CSMD3: variants seen among roughly 807,000 people sequenced by gnomAD.
CSMD3 encodes CUB and sushi domain-containing protein 3.
CSMD3 carries 177 observed loss-of-function variants against 435.2 expected under a neutral mutation model. The ratio of observed to expected loss-of-function variants is 0.41; its 90% CI spans 0.36 to 0.46. The LOEUF (loss-of-function observed/expected upper bound fraction) is 0.46, where lower values mean the gene tolerates loss of function less well. Ranked by LOEUF, CSMD3 falls within the 20% of genes least tolerant of loss-of-function variation. The pLI is 0.34. For synonymous variants in CSMD3, 1,656 were observed against 1,520.5 expected (o/e 1.09, Z -2.07); for missense variants, 4,265 against 4,504.6 (o/e 0.95, Z 1.52).
chr8:112,454,078 G>C (rs1278422777), intron 32 of CSMD3, among the ~76,000 whole-genome samples: 2 of 152,146 alleles, frequency 1.3e-5, no homozygotes, highest in African/African-American at 4.8e-5. Flanking sequence ...TCCTGCCTTT[G>C]ACCATATATA....
intron 16 of CSMD3, among the ~76,000 whole-genome samples, chr8:112,675,019 A>T (rs563047750): frequency 6.6e-6 from 1 of 152,238 alleles, no homozygotes; most frequent in South Asian, 2.1e-4. Context: ...AGAGGTTATG[A>T]TTGAGATAAA....
intron 17 of CSMD3, among the ~76,000 whole-genome samples, chr8:112,658,116 T>A (rs1427402324): frequency 6.6e-6 from 1 of 152,246 alleles, no homozygotes; most frequent in Non-Finnish European, 1.5e-5. Context: ...ATTAACCATG[T>A]ATTTTTACTC....
chr8:112,588,544 T>G (rs1830920536), intron 22 of CSMD3, among the ~76,000 whole-genome samples: 2 of 152,052 alleles, frequency 1.3e-5, no homozygotes, highest in South Asian at 4.1e-4. Flanking sequence ...AAAATAGATA[T>G]GTCCTTATGC....
intron 6 of CSMD3, among the ~76,000 whole-genome samples, chr8:112,991,924 G>C (rs2085470850): frequency 6.6e-6 from 1 of 151,758 alleles, no homozygotes; most frequent in Non-Finnish European, 1.5e-5. Flanking sequence ...ACATGAGAAA[G>C]AACAATCAGT....
chr8:112,685,340 G>T (rs2131801187), intron 15 of CSMD3, 66 bp downstream of exon 15: 2 of 1,337,690 alleles, frequency 1.5e-6, no homozygotes, highest in South Asian at 1.2e-5. Context: ...CAATATACAT[G>T]ATCACTTTTC....
intron 1 of CSMD3, among the ~76,000 whole-genome samples, chr8:113,318,786 A>ATG (rs56269027): frequency 0.12 from 16,188 of 140,038 alleles, 1,011 homozygotes; most frequent in Middle Eastern, 0.14. Flanking sequence ...GCTGAATAAG[A>ATG]TGTGTGTGTG....
chr8:112,267,040 T>C (rs1402498887), intron 59 of CSMD3, among the ~76,000 whole-genome samples: 3 of 152,188 alleles, frequency 2.0e-5, no homozygotes, highest in African/African-American at 7.2e-5. Flanking sequence ...TCTGTCTTTT[T>C]TAAATTCACT....
rs566193975 is a variant in CSMD3 at position 112,566,040 on chromosome 8, C to CTT, written c.4042+7459_4042+7460dup. Among the ~76,000 whole-genome samples the CTT allele has an allele frequency of 5.9e-3, 837 of 141,838 alleles. 3 individuals are homozygous for CTT. The highest frequency in any genetic ancestry group is 0.01 in the Non-Finnish European group (652 of 64,984). 93.1% of individuals were successfully genotyped at this position (141,838 alleles called of 152,430 possible). A position where few individuals can be genotyped will look rare whatever the true frequency, so the allele number is the denominator to read the frequency against. ...GCACTAACATTATTTCTCTCTCTCT[C>CTT]TTTTTTTTTTTTTTACTCTTACCTG... On this transcript the variant is annotated intron_variant, in intron 24 of 70. Transcript: ENST00000297405.
chr8:112,389,451 G>T (rs973784420), intron 36 of CSMD3, among the ~76,000 whole-genome samples: 1 of 152,118 alleles, frequency 6.6e-6, no homozygotes, highest in Non-Finnish European at 1.5e-5. Context: ...TTGACAAATT[G>T]TCTATAAACT....
chr8:112,462,842 C>T (rs1200279650), intron 32 of CSMD3, among the ~76,000 whole-genome samples: 9 of 152,252 alleles, frequency 5.9e-5, no homozygotes. Flanking sequence ...TCTTTGCCAC[C>T]AGTGGTAAGT....
At chr8:113,279,419 A>G (rs1273380180) in intron 2 of CSMD3, among the ~76,000 whole-genome samples, 1 of 151,606 alleles carries the variant, frequency 6.6e-6, no homozygotes, top group Non-Finnish European at 1.5e-5. Flanking sequence ...GTACATTAAC[A>G]TCCAAATCAT....
chr8:112,396,146 C>G (rs1163409719), intron 35 of CSMD3, among the ~76,000 whole-genome samples: 2 of 150,168 alleles, frequency 1.3e-5, no homozygotes, highest in African/African-American at 2.4e-5. Context: ...TTTACTGTGA[C>G]AGAAAAAAAA....
chr8:113,294,120 A>T (rs754959650), intron 2 of CSMD3, among the ~76,000 whole-genome samples: 1 of 152,052 alleles, frequency 6.6e-6, no homozygotes, highest in Non-Finnish European at 1.5e-5. Context: ...TAAGAATTAC[A>T]TTGCCAAATA....
rs546942541 is a variant in CSMD3 at position 113,229,365 on chromosome 8, T to C, written c.514+49227A>G. Among the ~76,000 whole-genome samples, 4 of 151,794 alleles carry C rather than the reference T, an allele frequency of 2.6e-5. No individual in the cohort carries two copies. In the East Asian group the frequency reaches 7.8e-4, roughly 29 times the overall value. On this transcript the variant is annotated intron_variant, in intron 3 of 70. Coordinates refer to ENST00000297405, the MANE Select transcript of CSMD3 (RefSeq NM_198123.2). ...ACATATATTGTGAATTGTGGTTCTT[T>C]TTGAAAGATCAGTCACTTTGCTTAA...
At chr8:113,268,290 T>C (rs1411908945) in intron 3 of CSMD3, among the ~76,000 whole-genome samples, 1 of 151,880 alleles carries the variant, frequency 6.6e-6, no homozygotes, top group Non-Finnish European at 1.5e-5. Context: ...TTTTGACAAA[T>C]GGTTATACGA....
chr8:112,382,097 A>G (rs1482831358), intron 37 of CSMD3, among the ~76,000 whole-genome samples: 1 of 152,018 alleles, frequency 6.6e-6, no homozygotes, highest in Non-Finnish European at 1.5e-5. Context: ...TAGGCAACAT[A>G]GCGAGACCTC....
At position 112,420,724 on chromosome 8, in the gene CSMD3, TA is replaced by T. The variant is rs1208495948; in HGVS notation, c.5396-11693del. Among the ~76,000 whole-genome samples the T allele has an allele frequency of 2.0e-5, 3 of 152,312 alleles. No homozygotes were observed. The East Asian group carries it at 5.8e-4, about 29-fold the overall frequency. On this transcript the variant is annotated intron_variant, in intron 32 of 70. Transcript: ENST00000297405. ...GTGAGAGTTAATTTTATAAGGTTATTAAAGAATGTAATTCAATTTGTAGGTT... is the reference window on the plus strand; with the variant it reads ...GTGAGAGTTAATTTTATAAGGTTATTAAGAATGTAATTCAATTTGTAGGTT...
chr8:112,758,949 A>G (rs938992945), intron 13 of CSMD3, among the ~76,000 whole-genome samples: 12 of 152,206 alleles, frequency 7.9e-5, no homozygotes, highest in African/African-American at 2.9e-4. Context: ...AGGCAGGATT[A>G]TATAATTGGT....
intron 5 of CSMD3, among the ~76,000 whole-genome samples, chr8:113,078,407 G>T (rs75242014): frequency 8.1e-4 from 124 of 152,166 alleles, no homozygotes; most frequent in African/African-American, 2.8e-3. Context: ...ACTTCCATTG[G>T]GAAAATAACT....
Sources: allele counts gnomAD v4.1 joint callset (sites outside exome capture counted in the v4.1 genomes callset), GRCh38; gene constraint gnomAD v4.1.1; transcripts MANE v1.5; gene names NCBI Gene and HGNC (gene_info 2026-07-23, HGNC 2026-07-21).